The following FMNL2 variants were observed in gnomAD, a reference collection of about 807,000 sequenced individuals.
FMNL2 encodes formin-like protein 2.
Under a neutral mutation model 130.2 loss-of-function variants are expected in FMNL2, and 51 were observed. That is an observed-to-expected ratio of 0.39 (90% CI 0.31 to 0.49). The LOEUF is 0.49. Ranked by LOEUF, FMNL2 falls within the 20% of genes least tolerant of loss-of-function variation. FMNL2 has a pLI of 0.85. For missense variants in FMNL2, 977 were observed against 1,316.2 expected, an observed-to-expected ratio of 0.74 and a Z score of 3.99; for synonymous variants, 465 against 467.1, an observed-to-expected ratio of 1.00 and a Z score of 0.06.
intron 1 of FMNL2, among the ~76,000 whole-genome samples, chr2:152,435,189 A>AG (rs1347957710): frequency 6.6e-6 from 1 of 152,226 alleles, no homozygotes; most frequent in East Asian, 1.9e-4. Flanking sequence ...CACTTGTTTA[A>AG]GGGAAAATGA....
intron 1 of FMNL2, among the ~76,000 whole-genome samples, chr2:152,502,399 C>G (rs1691895150): frequency 6.6e-6 from 1 of 152,162 alleles, no homozygotes; most frequent in Admixed American, 6.5e-5. Flanking sequence ...AAAAATACCG[C>G]CTTTGGGCCG....
intron 1 of FMNL2, among the ~76,000 whole-genome samples, chr2:152,384,273 T>G (rs1238798298): frequency 1.3e-5 from 2 of 152,228 alleles, no homozygotes; most frequent in Non-Finnish European, 2.9e-5. Context: ...ATTTTCTGTT[T>G]GTTACTTAAG....
chr2:152,447,006 AT>A (rs1223493434), intron 1 of FMNL2, among the ~76,000 whole-genome samples: 2 of 152,058 alleles, frequency 1.3e-5, no homozygotes, highest in Non-Finnish European at 2.9e-5. Flanking sequence ...CCCAGTTTAG[AT>A]TTTTTTAGTA....
intron 3 of FMNL2, among the ~76,000 whole-genome samples, chr2:152,547,610 C>T (rs762243646): frequency 8.5e-5 from 13 of 152,252 alleles, no homozygotes; most frequent in Middle Eastern, 3.4e-3. Context: ...TGTGCTGAGC[C>T]GTGCTTCAGG....
intron 4 of FMNL2, among the ~76,000 whole-genome samples, chr2:152,553,095 G>A (rs1325570056): frequency 1.3e-5 from 2 of 152,142 alleles, no homozygotes; most frequent in Non-Finnish European, 2.9e-5. Flanking sequence ...AAGGGAAGAT[G>A]CTGAGGAACT....
intron 1 of FMNL2, among the ~76,000 whole-genome samples, chr2:152,378,112 GA>G (rs373312727): frequency 0.013 from 1,555 of 120,052 alleles, 24 homozygotes; most frequent in African/African-American, 0.041. Context: ...ACCCTGTCTT[GA>G]AAAAAAAAAA....
At chr2:152,482,666 A>G (rs574248674) in intron 1 of FMNL2, among the ~76,000 whole-genome samples, 2 of 152,320 alleles carry the variant, frequency 1.3e-5, no homozygotes, top group East Asian at 3.9e-4. Context: ...TTCTCCATCT[A>G]CAAAATGGGA....
chr2:152,467,797 G>A (rs1689636808), intron 1 of FMNL2, among the ~76,000 whole-genome samples: 1 of 152,172 alleles, frequency 6.6e-6, no homozygotes, highest in Non-Finnish European at 1.5e-5. Flanking sequence ...GTCAACTGTT[G>A]ATGCAAGCAA....
chr2:152,587,584 C>T (rs1697154311), intron 9 of FMNL2, among the ~76,000 whole-genome samples: 1 of 152,124 alleles, frequency 6.6e-6, no homozygotes, highest in Non-Finnish European at 1.5e-5. Flanking sequence ...CTACTATGGG[C>T]AAATGATATT....
chr2:152,477,830 G>A (rs1009993023), intron 1 of FMNL2, among the ~76,000 whole-genome samples: 13 of 151,924 alleles, frequency 8.6e-5, no homozygotes, highest in African/African-American at 2.9e-4. Context: ...GGTTAAATTA[G>A]GTAATACGTG....
chr2:152,569,429 C>G (rs1176679740), intron 6 of FMNL2, among the ~76,000 whole-genome samples: 1 of 152,060 alleles, frequency 6.6e-6, no homozygotes, highest in Non-Finnish European at 1.5e-5. Context: ...CATTTGTGCT[C>G]CTTGATAGAT....
intron 1 of FMNL2, among the ~76,000 whole-genome samples, chr2:152,409,100 G>T (rs2105992279): frequency 6.6e-6 from 1 of 152,312 alleles, no homozygotes; most frequent in Non-Finnish European, 1.5e-5. Flanking sequence ...CTTCGAAGCA[G>T]TGTTCGTAGG....
chr2:152,369,783 G>A (rs374815334), intron 1 of FMNL2, among the ~76,000 whole-genome samples: 3 of 152,192 alleles, frequency 2.0e-5, no homozygotes, highest in Admixed American at 6.5e-5. Flanking sequence ...TGTGTTTCCC[G>A]GAAAACAGCC....
chr2:152,344,554 TAGAG>T (rs555983282), intron 1 of FMNL2, among the ~76,000 whole-genome samples: 1 of 152,206 alleles, frequency 6.6e-6, no homozygotes, highest in Non-Finnish European at 1.5e-5. Flanking sequence ...TGTTGAATGG[TAGAG>T]AGACTTTATT....
intron 9 of FMNL2, among the ~76,000 whole-genome samples, chr2:152,583,885 T>C (rs1005414478): frequency 2.0e-5 from 3 of 152,192 alleles, no homozygotes; most frequent in African/African-American, 7.2e-5. Context: ...AAAAACCATA[T>C]AGACAGACCA....
At position 152,480,460 on chromosome 2, in the gene FMNL2, C is replaced by A. The variant is rs541416470; in HGVS notation, c.118-41483C>A. Among the ~76,000 whole-genome samples, 3 of 151,820 alleles carry A rather than the reference C, an allele frequency of 2.0e-5. No homozygotes were observed. The South Asian group carries it at 6.2e-4, about 32-fold the overall frequency. ...GCCTGGCCGACATGATGGAATGAAA[C>A]CCCGTCTCTACTAAAACTACAAAAA... On this transcript the variant is annotated intron_variant, in intron 1 of 25. Transcript: ENST00000288670.
In FMNL2 at chr2:152,558,840, T is replaced by C. The variant is rs1695373612; in HGVS notation, c.443+17T>C. 1 of 1,608,010 alleles carries C rather than the reference T, an allele frequency of 6.2e-7. No homozygotes were observed. Among genetic ancestry groups the C allele is most frequent in the African/African-American group, 1.3e-5 (1 of 74,800 alleles). On this transcript the variant is annotated intron_variant, in intron 5 of 25. Transcript: ENST00000288670. ...CGCGGTAACGTAAGTAAAACTTGGC[T>C]TGCTTGCATTTGAATTTTATGTGGT...
chr2:152,628,346 G>T lies in FMNL2; in HGVS notation c.2213G>T (p.Arg738Leu). ...GTGGACTTTGTGGAATGCTTGATGC[G>T]GTTCCTACCAACTGAGAATGAAGTG... is the stretch of plus-strand genomic sequence containing the variant. ...LPVDFVECLM[R>L]FLPTENEVKV... Residue 738 changes from arginine to leucine, a missense_variant, in exon 18 of 26, where the codon CGG (arginine) becomes CTG (leucine). This residue lies in a region of FMNL2 where 689 missense variants were observed against 995.9 expected (regional missense o/e 0.69). Coordinates refer to ENST00000288670, the MANE Select transcript of FMNL2 (RefSeq NM_052905.4). 1 of 1,614,012 alleles carries T rather than the reference G, an allele frequency of 6.2e-7. No homozygotes were observed.
chr2:152,642,372 A>G (rs1007586621), intron 25 of FMNL2, among the ~76,000 whole-genome samples: 2 of 152,226 alleles, frequency 1.3e-5, no homozygotes, highest in African/African-American at 2.4e-5. Context: ...GGTAGATTAG[A>G]TAGATTAAAA....
Sources: allele counts gnomAD v4.1 joint callset (sites outside exome capture counted in the v4.1 genomes callset), GRCh38; gene constraint gnomAD v4.1.1; regional missense constraint gnomAD v4.1.1; transcripts MANE v1.5; gene names NCBI Gene and HGNC (gene_info 2026-07-23, HGNC 2026-07-21).